VSNL1: variants seen among roughly 807,000 people sequenced by gnomAD.
VSNL1 encodes visinin like 1, also known as visinin-like protein 1.
VSNL1 carries 6 observed loss-of-function variants against 20.4 expected under a neutral mutation model. The ratio of observed to expected loss-of-function variants is 0.29; its 90% CI spans 0.16 to 0.58. The LOEUF (loss-of-function observed/expected upper bound fraction) is 0.58, where lower values mean the gene tolerates loss of function less well. Ranked by LOEUF, VSNL1 falls within the 20% of genes least tolerant of loss-of-function variation. The pLI, the probability that VSNL1 is intolerant of heterozygous loss-of-function variation, is 0.90. For synonymous variants in VSNL1, 93 were observed against 86.4 expected (o/e 1.08, Z -0.42); for missense variants, 100 against 234.5 (o/e 0.43, Z 3.75).
chr2:17,643,179 A>C (rs1665920388), intron 2 of VSNL1, among the ~76,000 whole-genome samples: 1 of 152,206 alleles, frequency 6.6e-6, no homozygotes, highest in African/African-American at 2.4e-5. Context: ...TCCTGCCCTC[A>C]CAAAGCTCAG....
At chr2:17,614,742 A>G (rs529328458) in intron 2 of VSNL1, among the ~76,000 whole-genome samples, 13 of 152,350 alleles carry the variant, frequency 8.5e-5, no homozygotes, top group African/African-American at 3.1e-4. Context: ...GTAGGAAACC[A>G]TGGGCAGTTA....
chr2:17,585,627 G>C (rs1472504583), intron 1 of VSNL1, among the ~76,000 whole-genome samples: 3 of 151,726 alleles, frequency 2.0e-5, no homozygotes, highest in Admixed American at 2.0e-4. Context: ...CCATCCAGGT[G>C]GGGGGATGGG....
intron 2 of VSNL1, among the ~76,000 whole-genome samples, chr2:17,635,775 G>C (rs1665734607): frequency 6.6e-6 from 1 of 152,194 alleles, no homozygotes; most frequent in Non-Finnish European, 1.5e-5. Flanking sequence ...AGCAAAGTAA[G>C]CTACCTTTTT....
intron 2 of VSNL1, among the ~76,000 whole-genome samples, chr2:17,646,596 A>G (rs1165229981): frequency 1.3e-5 from 2 of 152,222 alleles, no homozygotes; most frequent in Non-Finnish European, 2.9e-5. Context: ...ACACATATAC[A>G]TATACATATG....
chr2:17,613,237 G>A (rs1164842921), intron 2 of VSNL1, among the ~76,000 whole-genome samples: 1 of 152,240 alleles, frequency 6.6e-6, no homozygotes, highest in Non-Finnish European at 1.5e-5. Flanking sequence ...ATTGGCAGGA[G>A]TGATTTCTCA....
chr2:17,544,649 C>T (rs1264150923), intron 1 of VSNL1, among the ~76,000 whole-genome samples: 1 of 152,116 alleles, frequency 6.6e-6, no homozygotes, highest in Non-Finnish European at 1.5e-5. Context: ...CATATGGTTT[C>T]CTAATTGATA....
chr2:17,549,491 AT>A (rs1678438107), intron 1 of VSNL1, among the ~76,000 whole-genome samples: 1 of 152,234 alleles, frequency 6.6e-6, no homozygotes, highest in South Asian at 2.1e-4. Context: ...TAATAGCTTC[AT>A]AACAAATCAT....
chr2:17,650,640 A>G (rs569553449), intron 3 of VSNL1, among the ~76,000 whole-genome samples: 29 of 152,342 alleles, frequency 1.9e-4, no homozygotes, highest in South Asian at 8.3e-4. Context: ...CCAGACACCA[A>G]GAGCTGAGAT....
Position 17,609,914 on chromosome 2 carries a change from C to T in VSNL1, c.162+17678C>T, listed in dbSNP as rs143900860. ...CTCTACCCTTTTCCTGCACCCACTC[C>T]CCAGCCTTTATCCCCACATGGAGCC... is the stretch of plus-strand genomic sequence containing the variant. On this transcript the variant is annotated intron_variant, in intron 2 of 3. Transcript: ENST00000295156. Among the ~76,000 whole-genome samples the T allele has an allele frequency of 2.7e-3, 418 of 152,342 alleles. 3 individuals carry two copies. Among genetic ancestry groups the T allele is most frequent in the African/African-American group, 8.0e-3 (333 of 41,576 alleles).
intron 2 of VSNL1, among the ~76,000 whole-genome samples, chr2:17,644,677 T>G (rs1425235711): frequency 6.6e-6 from 1 of 152,164 alleles, no homozygotes; most frequent in Non-Finnish European, 1.5e-5. Flanking sequence ...CTCCTGCAAG[T>G]CCTACCCTTG....
intron 1 of VSNL1, among the ~76,000 whole-genome samples, chr2:17,547,498 T>C (rs1663429397): frequency 6.6e-6 from 1 of 152,080 alleles, no homozygotes; most frequent in Non-Finnish European, 1.5e-5. Flanking sequence ...ATTGAGAAAG[T>C]GTGCCAAGCT....
chr2:17,595,083 A>G (rs1664682626), intron 2 of VSNL1, among the ~76,000 whole-genome samples: 1 of 152,168 alleles, frequency 6.6e-6, no homozygotes, highest in Non-Finnish European at 1.5e-5. Context: ...CAGCTGCTGG[A>G]GTGAGATTTG....
At chr2:17,563,368 A>C (rs1046465847) in intron 1 of VSNL1, among the ~76,000 whole-genome samples, 1 of 152,196 alleles carries the variant, frequency 6.6e-6, no homozygotes, top group Admixed American at 6.5e-5. Context: ...TTGCAAATTC[A>C]TTGTAGCTGG....
chr2:17,631,460 G>T (rs980195378), intron 2 of VSNL1, among the ~76,000 whole-genome samples: 5 of 152,178 alleles, frequency 3.3e-5, no homozygotes, highest in African/African-American at 1.2e-4. Flanking sequence ...GGTATCAGAG[G>T]CAATGTAAAG....
At chr2:17,573,906 G>C (rs1202393756) in intron 1 of VSNL1, among the ~76,000 whole-genome samples, 1 of 152,196 alleles carries the variant, frequency 6.6e-6, no homozygotes, top group East Asian at 1.9e-4. Flanking sequence ...TCTAAGCTAG[G>C]ATATTTTGGT....
At chr2:17,633,590 G>C (rs936763478) in intron 2 of VSNL1, among the ~76,000 whole-genome samples, 2 of 151,950 alleles carry the variant, frequency 1.3e-5, no homozygotes, top group Admixed American at 6.6e-5. Context: ...TTCACCTATC[G>C]AGTTAGTCAG....
chr2:17,617,883 GCA>G (rs1241200038), intron 2 of VSNL1, among the ~76,000 whole-genome samples: 4 of 135,238 alleles, frequency 3.0e-5, no homozygotes, highest in African/African-American at 1.1e-4. Context: ...ACATGCACAT[GCA>G]CGCGCACACA....
Position 17,649,763 on chromosome 2 carries a change from C to T in VSNL1, c.378+138C>T. On this transcript the variant is annotated intron_variant, in intron 3 of 3. Transcript: ENST00000295156. The surrounding 1 kb of genome is among the most constrained non-coding windows in gnomAD (Gnocchi z 6.4). ...GCACACCACGCCTGGACTTCTCCTG[C>T]TTCTGTCCCCGCTGCAGCACAGTGC... 3.7e-6 allele frequency: 3 copies of T among 816,212 alleles called. No homozygotes were observed. Among genetic ancestry groups the T allele is most frequent in the Non-Finnish European group, 5.8e-6 (3 of 516,088 alleles). The allele number at this position is 816,212 out of a possible 1,614,324, so 50.6% of individuals were successfully genotyped here.
chr2:17,541,309 T>C (rs571021436), intron 1 of VSNL1: 3 of 152,286 alleles, frequency 2.0e-5, no homozygotes, highest in South Asian at 4.1e-4. Context: ...ATCCGTGGGA[T>C]TGGTGCACCA....
Sources: gnomAD v4.1 joint callset for allele counts (sites outside exome capture counted in the v4.1 genomes callset) on GRCh38, gnomAD v4.1.1 for gene constraint, Gnocchi (gnomAD v3.1) non-coding constraint, MANE v1.5 for transcripts, NCBI Gene and HGNC (gene_info 2026-07-23, HGNC 2026-07-21) for gene names.